Variants in ADAMTS18 observed in about 807,000 individuals in gnomAD.
ADAMTS18 encodes the protein A disintegrin and metalloproteinase with thrombospondin motifs 18.
A neutral mutation model predicts 165.9 loss-of-function variants in ADAMTS18; 157 were observed. That is an observed-to-expected ratio of 0.95 (90% CI 0.83 to 1.08). ADAMTS18 has a LOEUF of 1.08. ADAMTS18 is among the 50% of genes least tolerant of loss of function. The pLI is 0.00. For synonymous variants in ADAMTS18, 782 were observed against 578.2 expected (o/e 1.35, Z -5.06); for missense variants, 2,040 against 1,534.0 (o/e 1.33, Z -5.51).
At chr16:77,365,057 G>T (rs1478014523) in intron 4 of ADAMTS18, among the ~76,000 whole-genome samples, 5 of 152,112 alleles carry the variant, frequency 3.3e-5, no homozygotes, top group Non-Finnish European at 5.9e-5. Flanking sequence ...AGTGAGCCAA[G>T]ATCACCCCAC....
intron 16 of ADAMTS18, among the ~76,000 whole-genome samples, chr16:77,307,903 T>C (rs1449699931): frequency 6.6e-6 from 1 of 152,184 alleles, no homozygotes. Flanking sequence ...GCTCACACTG[T>C]CATCTCATTG....
chr16:77,327,876 GA>G (rs2056122708), intron 12 of ADAMTS18, among the ~76,000 whole-genome samples: 1 of 152,154 alleles, frequency 6.6e-6, no homozygotes, highest in South Asian at 2.1e-4. Flanking sequence ...ACACTGGGGA[GA>G]AGGAACAGAA....
chr16:77,340,996 TTTGA>T (rs1185049816), intron 11 of ADAMTS18, among the ~76,000 whole-genome samples: 11 of 152,224 alleles, frequency 7.2e-5, no homozygotes, highest in African/African-American at 2.2e-4. Flanking sequence ...ATAGCTCCTC[TTTGA>T]TTGGCCTTTC....
At chr16:77,303,427 AT>A (rs2055623043) in intron 16 of ADAMTS18, among the ~76,000 whole-genome samples, 3 of 152,214 alleles carry the variant, frequency 2.0e-5, no homozygotes, top group African/African-American at 7.2e-5. Context: ...CTCATAGGGA[AT>A]ACCCTTCCAG....
intron 16 of ADAMTS18, among the ~76,000 whole-genome samples, chr16:77,303,210 T>C (rs1041236015): frequency 6.6e-6 from 1 of 152,182 alleles, no homozygotes; most frequent in Non-Finnish European, 1.5e-5. Flanking sequence ...TACTGAGTGC[T>C]TGAAATGCAC....
At chr16:77,434,149 ATTT>A (rs36037118) in intron 2 of ADAMTS18, among the ~76,000 whole-genome samples, 1 of 148,164 alleles carries the variant, frequency 6.7e-6, no homozygotes, top group African/African-American at 2.5e-5. Flanking sequence ...TGCAGTTAGG[ATTT>A]TTTTTTTTTT....
chr16:77,297,236 A>G, intron 18 of ADAMTS18, 53 bp downstream of exon 18: 9 of 1,608,342 alleles, frequency 5.6e-6, no homozygotes, highest in Non-Finnish European at 6.8e-6. Context: ...CATAACAACA[A>G]TGAAGGCATA....
rs148703569 is a variant in ADAMTS18, at chr16:77,293,108, G to A, written c.3157C>T (p.Arg1053Trp). 2,404 of 1,613,922 alleles carry A rather than the reference G, an allele frequency of 1.5e-3. 7 individuals are homozygous for A. The highest frequency in any genetic ancestry group is 5.8e-3 in the Middle Eastern group (35 of 6,060). Residue 1053 changes from arginine to tryptophan, a missense_variant, in exon 20 of 23, where the codon CGG becomes TGG. Coordinates refer to ENST00000282849, the MANE Select transcript of ADAMTS18 (RefSeq NM_199355.4). ...CVLGRCPKNS[R>W]LQWVASSWSE... ...CACGAAGAAGCGACCCACTGTAGCCGGCTGTTCTTGGGGCATCGTCCAAGC... is the reference window on the plus strand; with the variant it reads ...CACGAAGAAGCGACCCACTGTAGCCAGCTGTTCTTGGGGCATCGTCCAAGC...
At chr16:77,326,170 G>A (rs964179641) in intron 12 of ADAMTS18, 132 bp from the exon 13 acceptor site, 4 of 872,906 alleles carry the variant, frequency 4.6e-6, no homozygotes, top group African/African-American at 1.7e-5. Flanking sequence ...GTCTATTACA[G>A]GAATGGAAGT....
chr16:77,304,192 A>C (rs2055640976), intron 16 of ADAMTS18, among the ~76,000 whole-genome samples: 1 of 152,228 alleles, frequency 6.6e-6, no homozygotes, highest in Non-Finnish European at 1.5e-5. Flanking sequence ...AAGCAACAAA[A>C]TTTGAGTTTC....
chr16:77,434,712 G>T lies in ADAMTS18; in HGVS notation c.-17C>A. Reference sequence around the variant, plus strand: ...GCACTCCATGGTCAGGTGCGGACGCGGCGGCTGCGGGTGGCCAGACGCGGC... The same window carrying T: ...GCACTCCATGGTCAGGTGCGGACGCTGCGGCTGCGGGTGGCCAGACGCGGC... On this transcript the variant is annotated 5_prime_UTR_variant, in exon 1 of 23. Transcript: ENST00000282849. 1 of 1,430,502 alleles carries T rather than the reference G, an allele frequency of 7.0e-7. No homozygotes were observed. Among genetic ancestry groups the T allele is most frequent in the East Asian group, 3.1e-5 (1 of 31,930 alleles). 88.6% of individuals were successfully genotyped at this position (1,430,502 alleles called of 1,614,324 possible).
At chr16:77,374,789 T>G (rs2056925545) in intron 3 of ADAMTS18, among the ~76,000 whole-genome samples, 1 of 152,212 alleles carries the variant, frequency 6.6e-6, no homozygotes, top group Non-Finnish European at 1.5e-5. Flanking sequence ...CATCCTATAT[T>G]GAGACAAACA....
intron 16 of ADAMTS18, among the ~76,000 whole-genome samples, chr16:77,308,325 C>A (rs1567469919): frequency 6.6e-6 from 1 of 152,202 alleles, no homozygotes; most frequent in Non-Finnish European, 1.5e-5. Context: ...GATGAAGTTA[C>A]TTCATAATGA....
chr16:77,375,622 C>CA (rs2056939447), intron 3 of ADAMTS18, among the ~76,000 whole-genome samples: 1 of 152,192 alleles, frequency 6.6e-6, no homozygotes, highest in Non-Finnish European at 1.5e-5. Flanking sequence ...AGGAAGAAAG[C>CA]AGAGACCAAG....
At chr16:77,298,479 T>C (rs2055517797) in intron 17 of ADAMTS18, among the ~76,000 whole-genome samples, 1 of 152,150 alleles carries the variant, frequency 6.6e-6, no homozygotes, top group East Asian at 1.9e-4. Context: ...GCAGGTTTGC[T>C]TTCAGGAGGC....
chr16:77,290,985 A>AACAGCAATGACCAACATAAGCC, intron 21 of ADAMTS18: 1 of 488,970 alleles, frequency 2.0e-6, no homozygotes, highest in Non-Finnish European at 3.7e-6. Flanking sequence ...CAACATTAGC[A>AACAGCAATGACCAACATAAGCC]GTGTATAACT....
At chr16:77,402,122 T>A (rs2057339462) in intron 3 of ADAMTS18, among the ~76,000 whole-genome samples, 1 of 152,124 alleles carries the variant, frequency 6.6e-6, no homozygotes, top group Non-Finnish European at 1.5e-5. Flanking sequence ...TAATTGTATG[T>A]CCTATGGGTT....
intron 3 of ADAMTS18, among the ~76,000 whole-genome samples, chr16:77,413,419 C>T (rs1029001926): frequency 1.3e-5 from 2 of 152,190 alleles, no homozygotes; most frequent in Non-Finnish European, 2.9e-5. Context: ...TTATCTGCTT[C>T]AGTGCTAGCA....
intron 3 of ADAMTS18, among the ~76,000 whole-genome samples, chr16:77,398,272 A>C (rs2057283892): frequency 6.6e-6 from 1 of 152,024 alleles, no homozygotes; most frequent in Non-Finnish European, 1.5e-5. Flanking sequence ...AGCCAAGATC[A>C]CGCCACTGCA....
Sources: gnomAD v4.1 joint callset for allele counts (sites outside exome capture counted in the v4.1 genomes callset) on GRCh38, gnomAD v4.1.1 for gene constraint, MANE v1.5 for transcripts, NCBI Gene and HGNC (gene_info 2026-07-23, HGNC 2026-07-21) for gene names.